Variants in COL14A1 observed in about 807,000 individuals in gnomAD.
COL14A1 encodes the protein collagen type XIV alpha 1 chain.
In COL14A1, 136 loss-of-function variants were observed where a neutral mutation model predicts 230.3. That is an observed-to-expected ratio of 0.59 (90% CI 0.51 to 0.68). COL14A1 has a LOEUF of 0.68. COL14A1 is among the 30% of genes least tolerant of loss of function. COL14A1 has a pLI of 0.00. For synonymous variants in COL14A1, 792 were observed against 784.1 expected (o/e 1.01, Z -0.17); for missense variants, 1,976 against 2,215.8 (o/e 0.89, Z 2.17).
chr8:120,367,438 T>C (rs1423614318), intron 46 of COL14A1, among the ~76,000 whole-genome samples, 190 bp downstream of exon 46: 1 of 152,198 alleles, frequency 6.6e-6, no homozygotes, highest in African/African-American at 2.4e-5. Context: ...AGTTAGAGCA[T>C]ATTCTGGGAT....
chr8:120,328,886 G>A (rs564104705), intron 40 of COL14A1, among the ~76,000 whole-genome samples: 6 of 152,242 alleles, frequency 3.9e-5, no homozygotes, highest in African/African-American at 7.2e-5. Context: ...GGACACAGCC[G>A]AGCAGAGACT....
chr8:120,337,074 G>A (rs1357980539), intron 42 of COL14A1, among the ~76,000 whole-genome samples: 2 of 152,124 alleles, frequency 1.3e-5, no homozygotes, highest in Non-Finnish European at 2.9e-5. Context: ...CACATAGAGA[G>A]TACTTAATAT....
intron 1 of COL14A1, among the ~76,000 whole-genome samples, chr8:120,142,857 A>T (rs4364673): frequency 6.6e-6 from 1 of 152,120 alleles, no homozygotes; most frequent in South Asian, 2.1e-4. Context: ...GTTGTCAAAA[A>T]TTTTTTTATG....
chr8:120,234,786 T>A (rs916021337), intron 19 of COL14A1, among the ~76,000 whole-genome samples: 8 of 152,210 alleles, frequency 5.3e-5, no homozygotes, highest in African/African-American at 1.9e-4. Context: ...TTTTTTGTTG[T>A]GTCTCTGCCA....
chr8:120,323,492 G>C (rs1002958324), intron 40 of COL14A1, among the ~76,000 whole-genome samples: 2 of 151,898 alleles, frequency 1.3e-5, no homozygotes, highest in Non-Finnish European at 2.9e-5. Context: ...ATCTTTGCCC[G>C]CTCCTATGTC....
chr8:120,310,044 A>C lies in COL14A1; in HGVS notation c.4437A>C (p.Gln1479His). Reference sequence around the variant, plus strand: ...GACTCCGAGGACCAAAGGGCCAGCAAGGTGAACCGGGTCCAAAGGTAATGC... The same window carrying C: ...GACTCCGAGGACCAAAGGGCCAGCACGGTGAACCGGGTCCAAAGGTAATGC... ...GPGLRGPKGQ[Q>H]GEPGPKGPDG... Residue 1479 changes from glutamine to histidine, a missense_variant, in exon 37 of 48, where the codon CAA (glutamine) becomes CAC (histidine). By Grantham distance (24) the Gln-to-His change is conservative. This residue lies in a region of COL14A1 where 1,791 missense variants were observed against 2,019.5 expected (regional missense o/e 0.89). Transcript: ENST00000297848. 1 of 1,613,606 alleles carries C rather than the reference A, an allele frequency of 6.2e-7. No homozygotes were observed. Among genetic ancestry groups the C allele is most frequent in the Non-Finnish European group, 8.5e-7 (1 of 1,179,594 alleles).
chr8:120,373,569 A>G lies in COL14A1; in HGVS notation c.*2338A>G, dbSNP rs1183242462. On this transcript the variant is annotated 3_prime_UTR_variant, in exon 48 of 48. Transcript: ENST00000297848. The stretch of plus-strand genomic sequence containing the variant: ...TAAAAGTAATAAATCATTTCATGAA[A>G]AATACATTACTCTTCAGAATTCTCA... Among the ~76,000 whole-genome samples the G allele has an allele frequency of 6.6e-6, 1 of 152,190 alleles. No homozygotes were observed. The highest frequency in any genetic ancestry group is 1.5e-5 in the Non-Finnish European group (1 of 68,034).
intron 43 of COL14A1, 70 bp downstream of exon 43, chr8:120,341,430 A>C (rs1563747459): frequency 2.0e-6 from 3 of 1,489,574 alleles, no homozygotes; most frequent in Admixed American, 1.8e-5. Context: ...AGCCTGATAA[A>C]GGATCATCAT....
chr8:120,232,030 C>T lies in COL14A1; in HGVS notation c.2349+412C>T, dbSNP rs142393712. 3.0e-3 allele frequency: 471 copies of T among 155,736 alleles called. 14 individuals are homozygous for T. Among genetic ancestry groups the T allele is most frequent in the Admixed American group, 0.027 (435 of 15,880 alleles). 9.6% of individuals were successfully genotyped at this position (155,736 alleles called of 1,614,324 possible). Reference sequence around the variant, plus strand: ...GATAAAAAAACTTTTAAGCAAAGGACACAGAAAAGGTCTTCTATATGGTAT... The same window carrying T: ...GATAAAAAAACTTTTAAGCAAAGGATACAGAAAAGGTCTTCTATATGGTAT... On this transcript the variant is annotated intron_variant, in intron 19 of 47. Transcript: ENST00000297848.
At chr8:120,192,867 TA>T (rs1440543123) in intron 5 of COL14A1, among the ~76,000 whole-genome samples, 1 of 152,232 alleles carries the variant, frequency 6.6e-6, no homozygotes, top group Non-Finnish European at 1.5e-5. Flanking sequence ...ATTCTTCACG[TA>T]GTTCTCGAGC....
intron 1 of COL14A1, among the ~76,000 whole-genome samples, chr8:120,142,011 G>T (rs1471986357): frequency 2.6e-5 from 4 of 152,106 alleles, no homozygotes; most frequent in Non-Finnish European, 5.9e-5. Context: ...AGGATTACAG[G>T]TGTGAGCTAC....
At chr8:120,281,522 G>A (rs1052747677) in intron 31 of COL14A1, among the ~76,000 whole-genome samples, 1 of 148,114 alleles carries the variant, frequency 6.8e-6, no homozygotes, top group African/African-American at 2.5e-5. Flanking sequence ...CCATGATCAC[G>A]CCACTGCACC....
intron 5 of COL14A1, among the ~76,000 whole-genome samples, chr8:120,177,692 G>T (rs1292513768): frequency 7.7e-4 from 63 of 82,018 alleles, no homozygotes; most frequent in Middle Eastern, 8.2e-3. Context: ...CATATAAAAA[G>T]ACTATATATA....
chr8:120,353,770 G>C (rs560480410), intron 45 of COL14A1, among the ~76,000 whole-genome samples: 4 of 151,758 alleles, frequency 2.6e-5, no homozygotes, highest in African/African-American at 7.3e-5. Context: ...TGGAGAAATA[G>C]GAACACTTTT....
chr8:120,284,040 T>C (rs1325314709), intron 32 of COL14A1, among the ~76,000 whole-genome samples: 2 of 152,198 alleles, frequency 1.3e-5, no homozygotes, highest in Non-Finnish European at 2.9e-5. Context: ...AAACAATTTT[T>C]ACTGGGAGAG....
chr8:120,227,862 T>C (rs543641375), intron 17 of COL14A1, among the ~76,000 whole-genome samples: 1 of 152,206 alleles, frequency 6.6e-6, no homozygotes, highest in Non-Finnish European at 1.5e-5. Context: ...ACATATTAAA[T>C]TGCCTTTGCC....
chr8:120,222,398 G>A (rs981825190), intron 14 of COL14A1, among the ~76,000 whole-genome samples: 1 of 152,230 alleles, frequency 6.6e-6, no homozygotes, highest in Admixed American at 6.5e-5. Context: ...GCAGAACTCA[G>A]CAGGGACAGC....
rs1429883954 is a variant in COL14A1 at position 120,280,086 on chromosome 8, A to C, written c.3633A>C (p.Glu1211Asp). Residue 1211 changes from glutamate to aspartate, a missense_variant, in exon 29 of 48, where the codon GAA becomes GAC. Physicochemically the swap from Glu to Asp is conservative, Grantham distance 45. Coordinates refer to ENST00000297848, the MANE Select transcript of COL14A1 (RefSeq NM_021110.4). ...IEDELITFVC[E>D]TASATCPVVH... Reference sequence around the variant, plus strand: ...ATGAGTTAATTACTTTTGTCTGCGAAACAGCATCAGCAAGTTAGTTCTTTG... The same window carrying C: ...ATGAGTTAATTACTTTTGTCTGCGACACAGCATCAGCAAGTTAGTTCTTTG... 6.2e-7 allele frequency: 1 copy of C among 1,613,754 alleles called. No homozygotes were observed. Among genetic ancestry groups the C allele is most frequent in the South Asian group, 1.1e-5 (1 of 91,078 alleles).
chr8:120,178,206 C>G (rs932880041), intron 5 of COL14A1, among the ~76,000 whole-genome samples: 1 of 152,078 alleles, frequency 6.6e-6, no homozygotes, highest in African/African-American at 2.4e-5. Context: ...AGGTATTTCT[C>G]CTAATGCTAT....
Sources: gnomAD v4.1 joint callset for allele counts (sites outside exome capture counted in the v4.1 genomes callset) on GRCh38, gnomAD v4.1.1 for gene constraint, gnomAD v4.1.1 regional missense constraint, MANE v1.5 for transcripts, NCBI Gene and HGNC (gene_info 2026-07-23, HGNC 2026-07-21) for gene names.